The following TDRD7 variants were observed in gnomAD, a reference collection of about 807,000 sequenced individuals.
The protein encoded by TDRD7 is tudor domain-containing protein 7.
TDRD7 carries 47 observed loss-of-function variants against 109.8 expected under a neutral mutation model. That is an observed-to-expected ratio of 0.43 (90% CI 0.34 to 0.55). The LOEUF (loss-of-function observed/expected upper bound fraction) is 0.55. TDRD7 is among the 20% of genes least tolerant of loss of function. The pLI, the probability that TDRD7 is intolerant of heterozygous loss-of-function variation, is 0.03. For missense variants in TDRD7, 1,164 were observed against 1,319.2 expected, an observed-to-expected ratio of 0.88 and a Z score of 1.82; for synonymous variants, 424 against 457.3, an observed-to-expected ratio of 0.93 and a Z score of 0.93.
chr9:97,481,605 T>G (rs911281251), intron 14 of TDRD7, among the ~76,000 whole-genome samples: 1 of 152,210 alleles, frequency 6.6e-6, no homozygotes, highest in African/African-American at 2.4e-5. Flanking sequence ...TAAATTATTC[T>G]AGCTAGCAGT....
intron 16 of TDRD7, among the ~76,000 whole-genome samples, chr9:97,493,614 A>G (rs569909296): frequency 2.3e-4 from 35 of 152,274 alleles, no homozygotes; most frequent in Admixed American, 2.1e-3. Flanking sequence ...AGAGCAGACA[A>G]CTGGTCTGAC....
At chr9:97,451,840 T>C (rs193149619) in intron 6 of TDRD7, among the ~76,000 whole-genome samples, 29 of 152,252 alleles carry the variant, frequency 1.9e-4, no homozygotes, top group Admixed American at 7.8e-4. Context: ...TCAGCTGATA[T>C]CCAATGCAGA....
intron 2 of TDRD7, among the ~76,000 whole-genome samples, chr9:97,429,546 C>T (rs942657654): frequency 6.6e-6 from 1 of 152,102 alleles, no homozygotes; most frequent in Non-Finnish European, 1.5e-5. Flanking sequence ...GACAAGGGAA[C>T]CAGGAGCAGG....
chr9:97,424,475 A>G (rs977283604), intron 1 of TDRD7, among the ~76,000 whole-genome samples: 2 of 152,178 alleles, frequency 1.3e-5, no homozygotes, highest in Admixed American at 1.3e-4. Flanking sequence ...TTTTTCAGCT[A>G]TCAGATTTTG....
intron 1 of TDRD7, among the ~76,000 whole-genome samples, chr9:97,419,680 C>A (rs1827866942): frequency 6.6e-6 from 1 of 152,170 alleles, no homozygotes; most frequent in Non-Finnish European, 1.5e-5. Flanking sequence ...GTCTTGGAAT[C>A]CACACCAGCC....
At chr9:97,463,029 CG>C (rs1478391523) in intron 7 of TDRD7, among the ~76,000 whole-genome samples, 1 of 152,236 alleles carries the variant, frequency 6.6e-6, no homozygotes, top group Non-Finnish European at 1.5e-5. Context: ...AATGGGCAGT[CG>C]GGTGCAGTTG....
intron 1 of TDRD7, among the ~76,000 whole-genome samples, chr9:97,420,814 A>G (rs1054460770): frequency 2.0e-5 from 3 of 152,210 alleles, no homozygotes; most frequent in Admixed American, 6.5e-5. Flanking sequence ...GCTGGGTTAT[A>G]TAAGTGTATA....
intron 7 of TDRD7, among the ~76,000 whole-genome samples, chr9:97,464,207 T>C (rs1465507364): frequency 6.6e-6 from 1 of 152,234 alleles, no homozygotes; most frequent in Non-Finnish European, 1.5e-5. Flanking sequence ...CCTTCCTGAC[T>C]TTTCTCAGCC....
At chr9:97,461,590 A>G (rs1324260150) in intron 7 of TDRD7, among the ~76,000 whole-genome samples, 2 of 152,274 alleles carry the variant, frequency 1.3e-5, no homozygotes, top group African/African-American at 2.4e-5. Flanking sequence ...AACAAAAAAC[A>G]GTACAGCTCC....
At chr9:97,452,405 T>C (rs1412842649) in intron 6 of TDRD7, among the ~76,000 whole-genome samples, 1 of 152,216 alleles carries the variant, frequency 6.6e-6, no homozygotes, top group Non-Finnish European at 1.5e-5. Flanking sequence ...TAAATGCTTA[T>C]TTGAATGTAT....
chr9:97,474,474 G>A (rs1006915881), intron 11 of TDRD7, among the ~76,000 whole-genome samples: 4 of 152,116 alleles, frequency 2.6e-5, no homozygotes, highest in African/African-American at 9.7e-5. Flanking sequence ...CATAGACTGT[G>A]CCTTACCAAT....
chr9:97,460,341 A>G lies in TDRD7; in HGVS notation c.1019A>G (p.Asp340Gly). The G allele has an allele frequency of 6.2e-7, 1 of 1,614,172 alleles. No individual in the cohort carries two copies. Among genetic ancestry groups the G allele is most frequent in the Non-Finnish European group, 8.5e-7 (1 of 1,180,046 alleles). Residue 340 changes from aspartate to glycine, a missense_variant, in exon 7 of 17, where the codon GAC becomes GGC. Physicochemically the swap from Asp to Gly is moderately conservative, Grantham distance 94 (BLOSUM62 -1). Coordinates refer to ENST00000355295, the MANE Select transcript of TDRD7 (RefSeq NM_014290.3). ...LKGCPTVMAG[D>G]FKEKVADLLV... is the part of the protein sequence containing the mutation. ...GGGTGTCCAACAGTTATGGCAGGAG[A>G]CTTTAAAGAAAAAGTGGCAGACCTG...
At position 97,478,460 on chromosome 9, in the gene TDRD7, C is replaced by T. The variant is rs369261967; in HGVS notation, c.2188C>T (p.Arg730Trp). ...RVEITNVHSSRALDVQFLDSG... is the reference protein window; with the variant it reads ...RVEITNVHSSWALDVQFLDSG... ...TCAGATCACAAATGTTCACAGCAGC[C>T]GGGCTCTTGATGTTCAGTTCCTGGA... Residue 730 changes from arginine (R) to tryptophan (W), a missense_variant, in exon 13 of 17, where the codon CGG (arginine) becomes TGG (tryptophan). Around this residue, in one of 5 missense-constraint regions of TDRD7, gnomAD observed 261 missense variants for 336.2 expected, o/e 0.78. Transcript: ENST00000355295. 18 of 1,613,844 alleles carry T rather than the reference C, an allele frequency of 1.1e-5. No individual in the cohort carries two copies. Among genetic ancestry groups the T allele is most frequent in the Admixed American group, 1.7e-5 (1 of 59,978 alleles).
intron 1 of TDRD7, among the ~76,000 whole-genome samples, chr9:97,422,486 T>A (rs763104584): frequency 7.2e-5 from 11 of 152,254 alleles, no homozygotes; most frequent in Non-Finnish European, 1.6e-4. Flanking sequence ...TTGATAATAT[T>A]ATACTATTTT....
intron 6 of TDRD7, 90 bp from the exon 7 acceptor site, chr9:97,460,088 A>T (rs770115792): frequency 9.0e-7 from 1 of 1,108,556 alleles, no homozygotes; most frequent in East Asian, 2.4e-5. Context: ...TGGAAACAGC[A>T]TGACTCTCAA....
Position 97,445,769 on chromosome 9 carries a change from C to T in TDRD7, c.855+3894C>T, listed in dbSNP as rs981849438. ...GAGTCATCATTTGGTGGAAACACAG[C>T]GGGTCTCAGCCTTGAGGTCACCCAG... On this transcript the variant is annotated intron_variant, in intron 6 of 16. Transcript: ENST00000355295. Among the ~76,000 whole-genome samples, 5 of 152,126 alleles carry T rather than the reference C, an allele frequency of 3.3e-5. No homozygotes were observed. In the East Asian group the frequency reaches 9.6e-4, roughly 29 times the overall value.
intron 13 of TDRD7, 116 bp from the exon 14 acceptor site, chr9:97,480,712 T>G: frequency 1.2e-6 from 1 of 837,464 alleles, no homozygotes. Context: ...TATTAGCTGT[T>G]GTTGCTTGCT....
intron 6 of TDRD7, among the ~76,000 whole-genome samples, chr9:97,447,683 C>T (rs1311899172): frequency 6.6e-6 from 1 of 152,156 alleles, no homozygotes; most frequent in Non-Finnish European, 1.5e-5. Context: ...TCCCAGTCCC[C>T]CTACCCTCCC....
chr9:97,418,529 T>C (rs149175742), intron 1 of TDRD7, among the ~76,000 whole-genome samples: 2 of 150,862 alleles, frequency 1.3e-5, no homozygotes, highest in East Asian at 3.9e-4. Flanking sequence ...TCTACCTGAA[T>C]GCCGCTCCTT....
Sources: gnomAD v4.1 joint callset for allele counts (sites outside exome capture counted in the v4.1 genomes callset) on GRCh38, gnomAD v4.1.1 for gene constraint, gnomAD v4.1.1 regional missense constraint, MANE v1.5 for transcripts, NCBI Gene and HGNC (gene_info 2026-07-23, HGNC 2026-07-21) for gene names.